ARMH3: variants seen among roughly 807,000 people sequenced by gnomAD.
ARMH3 encodes armadillo-like helical domain-containing protein 3.
Under a neutral mutation model 99.1 loss-of-function variants are expected in ARMH3, and 60 were observed. The ratio of observed to expected loss-of-function variants is 0.61; its 90% CI spans 0.49 to 0.75. The LOEUF (loss-of-function observed/expected upper bound fraction) is 0.75, where lower values mean the gene tolerates loss of function less well. Among genes scored for constraint, ARMH3 ranks in the 30% least tolerant of loss-of-function variants. The pLI, the probability that ARMH3 is intolerant of heterozygous loss-of-function variation, is 0.00. For missense variants in ARMH3, 679 were observed against 843.1 expected, an observed-to-expected ratio of 0.81 and a Z score of 2.41; for synonymous variants, 285 against 292.8, an observed-to-expected ratio of 0.97 and a Z score of 0.27.
At chr10:101,884,422 G>A (rs1012334312) in intron 24 of ARMH3, among the ~76,000 whole-genome samples, 8 of 152,186 alleles carry the variant, frequency 5.3e-5, no homozygotes, top group African/African-American at 1.9e-4. Context: ...AATCTCAGTT[G>A]AAGAGGGGAC....
At chr10:101,950,110 C>T (rs539912975) in intron 22 of ARMH3, among the ~76,000 whole-genome samples, 66 of 152,232 alleles carry the variant, frequency 4.3e-4, no homozygotes, top group African/African-American at 1.6e-3. Flanking sequence ...GTATGTCCAT[C>T]TTTACCCTCT....
At chr10:101,896,693 T>G (rs537866188) in intron 23 of ARMH3, among the ~76,000 whole-genome samples, 54 of 152,298 alleles carry the variant, frequency 3.5e-4, no homozygotes, top group Non-Finnish European at 6.2e-4. Context: ...CCAAGAAAAC[T>G]TTTCTAAAGC....
rs1383849467 is a variant in ARMH3, at chr10:101,944,328, A to AGT, written c.1706-4392_1706-4391dup. Among the ~76,000 whole-genome samples, 189 of 107,998 alleles carry AGT rather than the reference A, an allele frequency of 1.8e-3. 1 individual carries two copies. The highest frequency in any genetic ancestry group is 2.7e-3 in the Non-Finnish European group (144 of 52,884). 70.9% of individuals were successfully genotyped at this position (107,998 alleles called of 152,430 possible). ...GAGAGAGAGAGAGAGAGAGAGAGAG[A>AGT]GTCCAAACTGAGAACAGAAGAGCAG... On this transcript the variant is annotated intron_variant, in intron 22 of 25. Transcript: ENST00000370033.
intron 24 of ARMH3, among the ~76,000 whole-genome samples, chr10:101,864,148 C>T (rs568539991): frequency 6.6e-6 from 1 of 151,278 alleles, no homozygotes; most frequent in African/African-American, 2.4e-5. Flanking sequence ...TGAAAAAATG[C>T]TCATCATCAG....
At chr10:101,883,331 C>T (rs1343804688) in intron 24 of ARMH3, among the ~76,000 whole-genome samples, 2 of 151,918 alleles carry the variant, frequency 1.3e-5, no homozygotes, top group African/African-American at 2.4e-5. Flanking sequence ...GCAGGAGGAT[C>T]GCTTGAACCT....
intron 24 of ARMH3, among the ~76,000 whole-genome samples, chr10:101,855,895 CAA>C (rs939217760): frequency 3.3e-5 from 5 of 151,636 alleles, no homozygotes; most frequent in Admixed American, 1.3e-4. Context: ...GTAAATTGCC[CAA>C]AGTCATAAAA....
chr10:102,051,900 C>T (rs1241316211), intron 1 of ARMH3, among the ~76,000 whole-genome samples: 1 of 152,156 alleles, frequency 6.6e-6, no homozygotes, highest in Non-Finnish European at 1.5e-5. Context: ...GGTTCCCTTT[C>T]AAATTATCCT....
At chr10:102,054,216 C>T (rs751727934) in intron 1 of ARMH3, among the ~76,000 whole-genome samples, 2 of 151,886 alleles carry the variant, frequency 1.3e-5, no homozygotes, top group African/African-American at 4.8e-5. Context: ...TGGTGAAACT[C>T]CGTCATTACT....
intron 8 of ARMH3, among the ~76,000 whole-genome samples, chr10:102,014,693 T>C (rs1449795346): frequency 6.6e-6 from 1 of 152,158 alleles, no homozygotes; most frequent in Non-Finnish European, 1.5e-5. Flanking sequence ...AATTTAATGA[T>C]TGTCCCATCA....
In ARMH3 at chr10:101,898,175, AC is replaced by A. The variant is rs750254326; in HGVS notation, c.1782-8686del. On this transcript the variant is annotated intron_variant, in intron 23 of 25. Coordinates refer to ENST00000370033, the MANE Select transcript of ARMH3 (RefSeq NM_024541.3). ...TGGGAGAAGTGCTTAGCTCAGGAGC[AC>A]AAAAAAAAAAATTTTTTTTTTTTAA... 3.6e-3 allele frequency among the ~76,000 whole-genome samples: 551 copies of A among 151,496 alleles called. 3 individuals are homozygous for A. Among genetic ancestry groups the A allele is most frequent in the Admixed American group, 5.9e-3 (88 of 14,982 alleles).
chr10:101,946,053 C>A (rs1455481137), intron 22 of ARMH3, among the ~76,000 whole-genome samples: 7 of 89,420 alleles, frequency 7.8e-5, no homozygotes, highest in Admixed American at 3.5e-4. Flanking sequence ...GCCTGGGCGA[C>A]AGAGTAAGAC....
At chr10:102,055,930 C>T (rs1363254858) in intron 1 of ARMH3, among the ~76,000 whole-genome samples, 155 bp downstream of exon 1, 3 of 152,220 alleles carry the variant, frequency 2.0e-5, no homozygotes, top group African/African-American at 4.8e-5. Context: ...GCTTCAGCAG[C>T]CGTCCTCCCT....
chr10:102,040,196 C>A, intron 1 of ARMH3, 71 bp from the exon 2 acceptor site: 1 of 1,279,170 alleles, frequency 7.8e-7, no homozygotes, highest in South Asian at 1.2e-5. Flanking sequence ...AGATATATGT[C>A]ATACATTTGT....
chr10:101,893,810 G>T (rs1327937755), intron 23 of ARMH3, among the ~76,000 whole-genome samples: 2 of 152,098 alleles, frequency 1.3e-5, no homozygotes, highest in Admixed American at 1.3e-4. Flanking sequence ...ATGTACACTT[G>T]TTTCCTTCCC....
chr10:101,971,157 C>A (rs752995828), intron 20 of ARMH3, among the ~76,000 whole-genome samples: 109 of 149,960 alleles, frequency 7.3e-4, no homozygotes, highest in Middle Eastern at 3.5e-3. Flanking sequence ...AAAATAGGGG[C>A]CCAATATGCT....
At chr10:101,933,002 C>T (rs548955931) in intron 23 of ARMH3, among the ~76,000 whole-genome samples, 11 of 152,138 alleles carry the variant, frequency 7.2e-5, no homozygotes, top group Non-Finnish European at 1.2e-4. Flanking sequence ...CTGGCTAACA[C>T]GGTGAAACCC....
chr10:101,908,910 G>A (rs111699813), intron 23 of ARMH3, among the ~76,000 whole-genome samples: 8,471 of 151,706 alleles, frequency 0.056, 350 homozygotes, highest in Non-Finnish European at 0.085. Flanking sequence ...CGATCCACCC[G>A]CCTCAGCCTC....
chr10:101,908,509 C>T (rs1842728531), intron 23 of ARMH3, among the ~76,000 whole-genome samples: 1 of 152,130 alleles, frequency 6.6e-6, no homozygotes, highest in Non-Finnish European at 1.5e-5. Flanking sequence ...AGTAATACAT[C>T]CTCCTTTCTC....
chr10:101,889,786 G>C (rs1055528853), intron 23 of ARMH3: 2 of 326,158 alleles, frequency 6.1e-6, no homozygotes, highest in Non-Finnish European at 1.2e-5. Context: ...AGATGAGAAA[G>C]GGAACCCAGA....
Sources: allele counts gnomAD v4.1 joint callset (sites outside exome capture counted in the v4.1 genomes callset), GRCh38; gene constraint gnomAD v4.1.1; transcripts MANE v1.5; gene names NCBI Gene and HGNC (gene_info 2026-07-23, HGNC 2026-07-21).